Variants in NTN4 observed in about 807,000 individuals in gnomAD.
The protein encoded by NTN4 is netrin-4.
NTN4 carries 32 observed loss-of-function variants against 73.6 expected under a neutral mutation model. The observed-to-expected ratio is 0.44, with a 90% CI of 0.33 to 0.58. NTN4 has a LOEUF of 0.58. Ranked by LOEUF, NTN4 falls within the 20% of genes least tolerant of loss-of-function variation. The pLI is 0.04. For synonymous variants in NTN4, 258 were observed against 287.5 expected (o/e 0.90, Z 1.04); for missense variants, 654 against 798.3 (o/e 0.82, Z 2.18).
At chr12:95,749,311 A>C (rs939658368) in intron 2 of NTN4, among the ~76,000 whole-genome samples, 2 of 151,770 alleles carry the variant, frequency 1.3e-5, no homozygotes, top group African/African-American at 4.8e-5. Flanking sequence ...GAATTGGGGG[A>C]CCTCCCTTGG....
At chr12:95,662,231 C>T (rs368794550) in intron 9 of NTN4, among the ~76,000 whole-genome samples, 7 of 33,462 alleles carry the variant, frequency 2.1e-4, no homozygotes, top group Admixed American at 4.9e-4. Context: ...CTTCCTTTTT[C>T]TTTCTTTTTT....
At chr12:95,673,296 T>G (rs2078248202) in intron 7 of NTN4, 2 of 309,568 alleles carry the variant, frequency 6.5e-6, no homozygotes, top group Non-Finnish European at 1.3e-5. Context: ...GGGTTCTCAG[T>G]CCAAGCTGTG....
chr12:95,747,469 A>G (rs2078870728), intron 2 of NTN4, among the ~76,000 whole-genome samples: 1 of 152,038 alleles, frequency 6.6e-6, no homozygotes, highest in Non-Finnish European at 1.5e-5. Flanking sequence ...ATGCCCAGCT[A>G]ACTTCTTTAT....
In NTN4 at chr12:95,665,846, T is replaced by C. The variant is rs1222194772; in HGVS notation, c.1714A>G (p.Thr572Ala). Residue 572 changes from threonine to alanine, a missense_variant, in exon 9 of 10, where the codon ACG (threonine) becomes GCG (alanine). Coordinates refer to ENST00000343702, the MANE Select transcript of NTN4 (RefSeq NM_021229.4). ...ATTGGACAAGTGCATCCTCTGTCCGTCCATGATTCTGGATATAATGTTCGC... is the reference window on the plus strand; with the variant it reads ...ATTGGACAAGTGCATCCTCTGTCCGCCCATGATTCTGGATATAATGTTCGC... The part of the protein sequence containing the change: ...GKRTLYPESW[T>A]DRGCTCPILN... 2 of 1,613,886 alleles carry C rather than the reference T, an allele frequency of 1.2e-6. No homozygotes were observed. The highest frequency in any genetic ancestry group is 2.7e-5 in the African/African-American group (2 of 74,924).
intron 4 of NTN4, among the ~76,000 whole-genome samples, chr12:95,712,787 C>CTTTT (rs35614636): frequency 2.4e-3 from 254 of 105,678 alleles, no homozygotes; most frequent in Non-Finnish European, 3.1e-3. Context: ...TTCTTTCTTT[C>CTTTT]TTTTTTTTTT....
At chr12:95,670,169 GGTGT>G (rs2078216453) in intron 7 of NTN4, 23 bp from the exon 8 acceptor site, 1 of 1,439,872 alleles carries the variant, frequency 6.9e-7, no homozygotes, top group African/African-American at 1.4e-5. Context: ...AATTAAAAAT[GGTGT>G]TAGTTATTAG....
chr12:95,786,645 G>T (rs1446025828), intron 2 of NTN4, among the ~76,000 whole-genome samples: 1 of 152,142 alleles, frequency 6.6e-6, no homozygotes, highest in Non-Finnish European at 1.5e-5. Flanking sequence ...AAGTAGTCCC[G>T]AGAACTGAAG....
At chr12:95,707,141 C>A (rs2078526870) in intron 5 of NTN4, among the ~76,000 whole-genome samples, 1 of 152,172 alleles carries the variant, frequency 6.6e-6, no homozygotes, top group Non-Finnish European at 1.5e-5. Context: ...TCAGACCATG[C>A]CACTTCTCTG....
intron 2 of NTN4, among the ~76,000 whole-genome samples, chr12:95,772,522 T>A (rs1029996691): frequency 6.6e-6 from 1 of 152,184 alleles, no homozygotes; most frequent in South Asian, 2.1e-4. Context: ...TTTTCTGAAC[T>A]CTAAACTCCA....
intron 3 of NTN4, among the ~76,000 whole-genome samples, chr12:95,727,624 G>A (rs981207977): frequency 7.2e-5 from 11 of 152,132 alleles, no homozygotes; most frequent in African/African-American, 2.7e-4. Flanking sequence ...AAATGTATAA[G>A]TTTATTTCTG....
chr12:95,761,731 C>T (rs905553868), intron 2 of NTN4, among the ~76,000 whole-genome samples: 3 of 152,162 alleles, frequency 2.0e-5, no homozygotes, highest in Non-Finnish European at 2.9e-5. Context: ...ACTAGGAAAA[C>T]GATAAACCAT....
intron 5 of NTN4, among the ~76,000 whole-genome samples, chr12:95,696,165 C>T (rs944782707): frequency 6.6e-6 from 1 of 152,136 alleles, no homozygotes; most frequent in African/African-American, 2.4e-5. Context: ...TCTTCGATCT[C>T]GCCTTTGAAC....
chr12:95,784,699 G>A (rs990832360), intron 2 of NTN4, among the ~76,000 whole-genome samples: 11 of 152,112 alleles, frequency 7.2e-5, no homozygotes, highest in South Asian at 6.2e-4. Flanking sequence ...TCTAGGAAGC[G>A]GAGGCTTCAG....
At chr12:95,678,200 G>A (rs779405199) in intron 7 of NTN4, among the ~76,000 whole-genome samples, 3 of 151,386 alleles carry the variant, frequency 2.0e-5, no homozygotes, top group East Asian at 1.9e-4. Context: ...TGTGGGGGGC[G>A]AGGGGAGGGA....
chr12:95,765,292 T>A (rs1256915233), intron 2 of NTN4, among the ~76,000 whole-genome samples: 1 of 152,214 alleles, frequency 6.6e-6, no homozygotes, highest in Non-Finnish European at 1.5e-5. Flanking sequence ...TACCTCTGAT[T>A]TGTTCACTTT....
chr12:95,673,067 GA>G, intron 7 of NTN4: 1 of 1,475,432 alleles, frequency 6.8e-7, no homozygotes, highest in Non-Finnish European at 9.4e-7. Flanking sequence ...GCCAAGAAGT[GA>G]AGGCCGGCGG....
chr12:95,700,959 G>A (rs1285682274), intron 5 of NTN4, among the ~76,000 whole-genome samples: 5 of 151,454 alleles, frequency 3.3e-5, no homozygotes, highest in African/African-American at 1.2e-4. Context: ...GACTACAGGC[G>A]CCCTCCACCA....
In NTN4 at chr12:95,658,262, T is replaced by C. The variant is rs1210156382; in HGVS notation, c.*824A>G. On this transcript the variant is annotated 3_prime_UTR_variant, in exon 10 of 10. Transcript: ENST00000343702. Reference sequence around the variant, plus strand: ...TTAGCCAAGCATATGTCTACATTTATGATTTCTTTCTCTTATTTTAAAGTC... The same window carrying C: ...TTAGCCAAGCATATGTCTACATTTACGATTTCTTTCTCTTATTTTAAAGTC... 1 of 152,262 alleles carries C rather than the reference T, an allele frequency of 6.6e-6. No individual in the cohort carries two copies. Among genetic ancestry groups the C allele is most frequent in the Non-Finnish European group, 1.5e-5 (1 of 68,042 alleles). 9.4% of individuals were successfully genotyped at this position (152,262 alleles called of 1,614,324 possible).
chr12:95,713,229 G>A lies in NTN4; in HGVS notation c.974C>T (p.Ala325Val), dbSNP rs2078579263. ...TTACTTACTTCTGCACTCGTTGGGAGCCCCCGTTTTGCCATCAGCTGCCTC... is the reference window on the plus strand; with the variant it reads ...TTACTTACTTCTGCACTCGTTGGGAACCCCCGTTTTGCCATCAGCTGCCTC... The part of the protein sequence containing the change: ...PWEAADGKTG[A>V]PNECRTCKCN... The change falls in exon 4 of 10, where the codon GCT (alanine) becomes GTT (valine). Residue 325 changes from alanine (A) to valine (V), a missense_variant. By Grantham distance (64) the Ala-to-Val change is moderately conservative. Transcript: ENST00000343702. 1 of 1,613,210 alleles carries A rather than the reference G, an allele frequency of 6.2e-7. No individual in the cohort carries two copies. The highest frequency in any genetic ancestry group is 1.3e-5 in the African/African-American group (1 of 74,902).
Sources: allele counts gnomAD v4.1 joint callset (sites outside exome capture counted in the v4.1 genomes callset), GRCh38; gene constraint gnomAD v4.1.1; transcripts MANE v1.5; gene names NCBI Gene and HGNC (gene_info 2026-07-23, HGNC 2026-07-21).